The following AMY2B variants were observed in gnomAD, a reference collection of about 807,000 sequenced individuals.
The protein encoded by AMY2B is amylase alpha 2B.
Under a neutral mutation model 59.3 loss-of-function variants are expected in AMY2B, and 63 were observed. The observed-to-expected ratio is 1.06, with a 90% confidence interval of 0.87 to 1.31. The LOEUF (loss-of-function observed/expected upper bound fraction) is 1.31. Among genes scored for constraint, AMY2B ranks in the 50% most tolerant of loss-of-function variants. The probability of loss-of-function intolerance (pLI) is 0.00; values close to 1 mark genes in which losing one functional copy is unlikely to be tolerated. For synonymous variants in AMY2B, 180 were observed against 198.1 expected (o/e 0.91, Z 0.77); for missense variants, 635 against 626.7 (o/e 1.01, Z -0.14).
At position 103,573,880 on chromosome 1, in the gene AMY2B, T is replaced by C; in HGVS notation, c.686T>C (p.Leu229Pro). Residue 229 changes from leucine to proline, a missense_variant, in exon 4 of 10, where the codon CTG (leucine) becomes CCG (proline). Transcript: ENST00000684275. The part of the protein sequence containing the change: ...PGDIKAILDK[L>P]HNLNSNWFPA... ...GACATAAAGGCAATTTTGGACAAAC[T>C]GCATAATCTAAACAGTAACTGGTTC... 1 of 1,613,840 alleles carries C rather than the reference T, an allele frequency of 6.2e-7. No homozygotes were observed. The highest frequency in any genetic ancestry group is 1.1e-5 in the South Asian group (1 of 91,076).
intron 7 of AMY2B, among the ~76,000 whole-genome samples, chr1:103,577,227 A>G (rs1334728143): frequency 6.6e-6 from 1 of 152,208 alleles, no homozygotes; most frequent in Non-Finnish European, 1.5e-5. Context: ...GACAGAGCAA[A>G]GAAGCCTTTG....
At chr1:103,568,000 C>G (rs889699561), upstream of AMY2B, among the ~76,000 whole-genome samples, 2 of 152,186 alleles carry the variant, frequency 1.3e-5, no homozygotes, top group African/African-American at 4.8e-5. Flanking sequence ...ACCATCCAGT[C>G]TATAATACCC....
At chr1:103,560,136 T>G (rs1343891685) in intron 1 of AMY2B, among the ~76,000 whole-genome samples, 10 of 152,152 alleles carry the variant, frequency 6.6e-5, no homozygotes, top group Admixed American at 6.5e-4. Flanking sequence ...GTATGTGCAT[T>G]TGGTCAGGTT....
intron 2 of AMY2B, among the ~76,000 whole-genome samples, chr1:103,566,259 A>C (rs1283942916): frequency 1.3e-5 from 2 of 152,146 alleles, no homozygotes; most frequent in Non-Finnish European, 2.9e-5. Context: ...ACCCTCTTAA[A>C]ACTATGTTCA....
chr1:103,567,240 A>G (rs1367594125), upstream of AMY2B, among the ~76,000 whole-genome samples: 1 of 152,148 alleles, frequency 6.6e-6, no homozygotes, highest in Admixed American at 6.6e-5. Flanking sequence ...GATATGGGAA[A>G]CAAAACCACT....
chr1:103,573,172 C>G lies in AMY2B; in HGVS notation c.425C>G (p.Pro142Arg), dbSNP rs777825478. ...TTCAACCCTGGAAGTAGGGACTTTC[C>G]AGCAGTCCCATATTCTGGATGGGAT... The part of the protein sequence containing the change: ...SYFNPGSRDF[P>R]AVPYSGWDFN... The change falls in exon 3 of 10, where the codon CCA (proline) becomes CGA (arginine). Residue 142 changes from proline (P) to arginine (R), a missense_variant. Physicochemically the swap from Pro to Arg is moderately radical, Grantham distance 103. Coordinates refer to ENST00000684275, the MANE Select transcript of AMY2B (RefSeq NM_001387437.1). 1 of 1,613,668 alleles carries G rather than the reference C, an allele frequency of 6.2e-7. No individual in the cohort carries two copies. Among genetic ancestry groups the G allele is most frequent in the Non-Finnish European group, 8.5e-7 (1 of 1,179,676 alleles).
chr1:103,577,498 T>A lies in AMY2B; in HGVS notation c.1110T>A (p.Asn370Lys). 6.2e-7 allele frequency: 1 copy of A among 1,611,914 alleles called. No individual in the cohort carries two copies. The highest frequency in any genetic ancestry group is 1.1e-5 in the South Asian group (1 of 90,992). ...PRQFQNGNDV[N>K]DWVGPPNNNG... ...TTCACCCCCTAATTAAGGATGTTAA[T>A]GATTGGGTTGGGCCACCAAATAATA... is the stretch of plus-strand genomic sequence containing the variant. The change falls in exon 8 of 10, where the codon AAT (asparagine) becomes AAA (lysine). Residue 370 changes from asparagine to lysine, a missense_variant. Transcript: ENST00000684275.
At chr1:103,575,749 T>A in intron 7 of AMY2B, 1 of 689,872 alleles carries the variant, frequency 1.4e-6, no homozygotes. Context: ...TTTTCAGACA[T>A]ATGATAAACA....
Position 103,575,472 on chromosome 1 carries a change from G to T in AMY2B, c.1033G>T (p.Ala345Ser). ...TAAAATGGCAGTTGGATTTATGCTT[G>T]CTCATCCTTATGGTTTTACACGAGT... Reference protein sequence around the residue: ...LYKMAVGFMLAHPYGFTRVMS... With the variant: ...LYKMAVGFMLSHPYGFTRVMS... The change falls in exon 7 of 10, where the codon GCT (alanine) becomes TCT (serine). Residue 345 changes from alanine (A) to serine (S), a missense_variant. Coordinates refer to ENST00000684275, the MANE Select transcript of AMY2B (RefSeq NM_001387437.1). 1 of 1,613,636 alleles carries T rather than the reference G, an allele frequency of 6.2e-7. No homozygotes were observed. Among genetic ancestry groups the T allele is most frequent in the Non-Finnish European group, 8.5e-7 (1 of 1,179,714 alleles).
intron 1 of AMY2B, among the ~76,000 whole-genome samples, chr1:103,555,431 G>A (rs1434730751): frequency 6.6e-6 from 1 of 151,128 alleles, no homozygotes; most frequent in Non-Finnish European, 1.5e-5. Flanking sequence ...TTTTATATTT[G>A]TCTGGCTTTG....
At chr1:103,569,226 A>G (rs1652018139), upstream of AMY2B, 1 of 152,026 alleles carries the variant, frequency 6.6e-6, no homozygotes, top group Admixed American at 6.6e-5. Context: ...GACACAGCCA[A>G]ACCATACATA....
chr1:103,575,718 T>A, intron 7 of AMY2B, 178 bp downstream of exon 7: 1 of 997,554 alleles, frequency 1.0e-6, no homozygotes, highest in Non-Finnish European at 1.4e-6. Context: ...ATATTTTCCA[T>A]TGACAAAGAG....
chr1:103,566,250 C>A (rs1651907412), intron 2 of AMY2B, among the ~76,000 whole-genome samples: 2 of 152,156 alleles, frequency 1.3e-5, no homozygotes, highest in South Asian at 2.1e-4. Context: ...TTAATCGTAA[C>A]CCTCTTAAAA....
intron 5 of AMY2B, 24 bp downstream of exon 5, chr1:103,574,417 T>C: frequency 1.9e-6 from 3 of 1,610,300 alleles, no homozygotes; most frequent in Non-Finnish European, 1.7e-6. Flanking sequence ...ACTTTTCCCC[T>C]GAAGTATTTC....
At chr1:103,575,847 T>C (rs1652333362) in intron 7 of AMY2B, 2 of 263,324 alleles carry the variant, frequency 7.6e-6, no homozygotes, top group South Asian at 1.3e-4. Flanking sequence ...AATAAGTACC[T>C]ACCTCAGGGT....
chr1:103,571,206 C>T (rs536526656), upstream of AMY2B: 66 of 758,332 alleles, frequency 8.7e-5, no homozygotes, highest in South Asian at 8.6e-4. Context: ...GAGTTGGAAG[C>T]GGTTTGCATT....
At chr1:103,575,605 T>A in intron 7 of AMY2B, 65 bp downstream of exon 7, 9 of 1,590,538 alleles carry the variant, frequency 5.7e-6, no homozygotes, top group Non-Finnish European at 7.7e-6. Context: ...TGTTCTAACT[T>A]AATATGACAA....
In AMY2B at chr1:103,574,352, A is replaced by AGT. The variant is rs1162045383; in HGVS notation, c.838_839dup (p.Ile281LeufsTer13). Reference sequence around the variant, plus strand: ...TCAAGTATGGTGCAAAACTCGGCACAGTTATTCGCAAGTGGAATGGAGAGA... The same window carrying AGT: ...TCAAGTATGGTGCAAAACTCGGCACAGTGTTATTCGCAAGTGGAATGGAGAGA... On this transcript the variant is annotated frameshift_variant, in exon 5 of 10. Coordinates refer to ENST00000684275, the MANE Select transcript of AMY2B (RefSeq NM_001387437.1). LOFTEE classifies it high-confidence loss of function. 6.2e-7 allele frequency: 1 copy of AGT among 1,611,802 alleles called. No individual in the cohort carries two copies. Among genetic ancestry groups the AGT allele is most frequent in the South Asian group, 1.1e-5 (1 of 90,988 alleles).
Position 103,575,476 on chromosome 1 carries a change from A to G in AMY2B, c.1037A>G (p.His346Arg). ...ATGGCAGTTGGATTTATGCTTGCTC[A>G]TCCTTATGGTTTTACACGAGTAATG... Reference protein sequence around the residue: ...YKMAVGFMLAHPYGFTRVMSS... With the variant: ...YKMAVGFMLARPYGFTRVMSS... The change falls in exon 7 of 10, where the codon CAT becomes CGT. Residue 346 changes from histidine (H) to arginine (R), a missense_variant. Coordinates refer to ENST00000684275, the MANE Select transcript of AMY2B (RefSeq NM_001387437.1). 6.2e-7 allele frequency: 1 copy of G among 1,613,764 alleles called. No individual in the cohort carries two copies. Among genetic ancestry groups the G allele is most frequent in the Non-Finnish European group, 8.5e-7 (1 of 1,179,770 alleles).
Sources: gnomAD v4.1 joint callset for allele counts (sites outside exome capture counted in the v4.1 genomes callset) on GRCh38, gnomAD v4.1.1 for gene constraint, MANE v1.5 for transcripts, NCBI Gene and HGNC (gene_info 2026-07-23, HGNC 2026-07-21) for gene names.